The following MAML3 variants were observed in gnomAD, a reference collection of about 807,000 sequenced individuals.
MAML3 encodes mastermind like transcriptional coactivator 3, also known as mastermind-like protein 3.
Under a neutral mutation model 101.9 loss-of-function variants are expected in MAML3, and 27 were observed. The ratio of observed to expected loss-of-function variants is 0.27; its 90% CI spans 0.20 to 0.37. The LOEUF is 0.37. MAML3 is among the 10% of genes least tolerant of loss of function. The pLI, the probability that MAML3 is intolerant of heterozygous loss-of-function variation, is 1.00. For missense variants in MAML3, 1,316 were observed against 1,444.9 expected (o/e 0.91, Z 1.45); for synonymous variants, 501 against 555.9 (o/e 0.90, Z 1.39).
chr4:140,039,311 G>A (rs1415096875), intron 1 of MAML3, among the ~76,000 whole-genome samples: 1 of 152,052 alleles, frequency 6.6e-6, no homozygotes, highest in African/African-American at 2.4e-5. Context: ...GTCCCAACCT[G>A]TCTGCTGGAC....
At chr4:140,004,858 C>G (rs1279463504) in intron 1 of MAML3, among the ~76,000 whole-genome samples, 1 of 151,532 alleles carries the variant, frequency 6.6e-6, no homozygotes, top group Non-Finnish European at 1.5e-5. Flanking sequence ...TTTTTTTTAA[C>G]ATAAGAAATA....
chr4:140,113,749 C>T (rs1728475856), intron 1 of MAML3, among the ~76,000 whole-genome samples: 1 of 152,140 alleles, frequency 6.6e-6, no homozygotes, highest in African/African-American at 2.4e-5. Flanking sequence ...GTTTGTCTAC[C>T]CAAGTGAAGT....
At chr4:140,039,512 C>T (rs888925054) in intron 1 of MAML3, among the ~76,000 whole-genome samples, 3 of 152,194 alleles carry the variant, frequency 2.0e-5, no homozygotes, top group Non-Finnish European at 4.4e-5. Flanking sequence ...GGCCCCTAAC[C>T]TTGAAGGTTA....
intron 2 of MAML3, among the ~76,000 whole-genome samples, chr4:139,760,738 C>T (rs545689050): frequency 2.0e-4 from 30 of 152,276 alleles, no homozygotes; most frequent in Middle Eastern, 6.8e-3. Context: ...GAATATTGTT[C>T]AGCTCAGGAC....
intron 2 of MAML3, among the ~76,000 whole-genome samples, chr4:139,760,690 C>A (rs1729740342): frequency 6.6e-6 from 1 of 152,150 alleles, no homozygotes; most frequent in Non-Finnish European, 1.5e-5. Flanking sequence ...AGGAAAGAAA[C>A]TGTACTACTA....
intron 2 of MAML3, among the ~76,000 whole-genome samples, chr4:139,826,177 T>C (rs1485485366): frequency 6.6e-6 from 1 of 151,934 alleles, no homozygotes; most frequent in Non-Finnish European, 1.5e-5. Context: ...CAGCCTCCCC[T>C]GGCATCCATT....
intron 2 of MAML3, among the ~76,000 whole-genome samples, chr4:139,771,644 G>A: frequency 6.6e-6 from 1 of 152,160 alleles, no homozygotes; most frequent in East Asian, 1.9e-4. Context: ...TAATTTTCTG[G>A]TTGAGAAAAC....
chr4:139,997,809 T>C (rs917187616), intron 1 of MAML3, among the ~76,000 whole-genome samples: 4 of 152,128 alleles, frequency 2.6e-5, no homozygotes, highest in Non-Finnish European at 5.9e-5. Flanking sequence ...GCAGGATAGT[T>C]TGGTTAGGTA....
chr4:139,755,257 C>T (rs6854360), intron 2 of MAML3, among the ~76,000 whole-genome samples: 4,618 of 152,306 alleles, frequency 0.03, 200 homozygotes, highest in East Asian at 0.22. Context: ...TTAGAGAAAG[C>T]CTGCTCCTTA....
intron 2 of MAML3, among the ~76,000 whole-genome samples, chr4:139,828,762 G>A (rs760149634): frequency 2.1e-5 from 3 of 143,282 alleles, no homozygotes; most frequent in Non-Finnish European, 4.5e-5. Flanking sequence ...AATGAATTAC[G>A]GTCTTTACTC....
chr4:140,050,736 T>C (rs1040609211), intron 1 of MAML3, among the ~76,000 whole-genome samples: 4 of 152,174 alleles, frequency 2.6e-5, no homozygotes, highest in African/African-American at 4.8e-5. Flanking sequence ...TGTCAATCTA[T>C]AAAGTGACCA....
At position 139,793,326 on chromosome 4, in the gene MAML3, C is replaced by T. The variant is rs545428212; in HGVS notation, c.2080-62659G>A. On this transcript the variant is annotated intron_variant, in intron 2 of 4. Coordinates refer to ENST00000509479, the MANE Select transcript of MAML3 (RefSeq NM_018717.5). ...CAGGACATTTATTAATGCTAGTATG[C>T]ACTTTCTCCCTCTTAGTAATAACAT... Among the ~76,000 whole-genome samples, 17 of 152,264 alleles carry T rather than the reference C, an allele frequency of 1.1e-4. No individual in the cohort carries two copies. In the South Asian group the frequency reaches 2.1e-3, roughly 19 times the overall value.
At chr4:139,905,508 A>AAAAAAAAAAAAAAAAG (rs1732808697) in intron 1 of MAML3, among the ~76,000 whole-genome samples, 2 of 150,564 alleles carry the variant, frequency 1.3e-5, no homozygotes, top group Non-Finnish European at 3.0e-5. Flanking sequence ...AAAAAAAAAA[A>AAAAAAAAAAAAAAAAG]TCAGTTAAAT....
chr4:140,073,797 C>A (rs1727705552), intron 1 of MAML3, among the ~76,000 whole-genome samples: 1 of 152,092 alleles, frequency 6.6e-6, no homozygotes, highest in African/African-American at 2.4e-5. Flanking sequence ...TCACCAAAAT[C>A]AAACAGGAGG....
chr4:139,826,021 GC>G (rs1731055067), intron 2 of MAML3, among the ~76,000 whole-genome samples: 1 of 152,156 alleles, frequency 6.6e-6, no homozygotes, highest in Admixed American at 6.5e-5. Flanking sequence ...TTCCATGGGA[GC>G]CCTGTGGGAG....
Position 139,933,734 on chromosome 4 carries a change from C to T in MAML3, c.469-42767G>A, listed in dbSNP as rs148223547. On this transcript the variant is annotated intron_variant, in intron 1 of 4. Transcript: ENST00000509479. The stretch of plus-strand genomic sequence containing the variant: ...TATTAATCCAATTTGGCCAATCAAA[C>T]TTCAGGTGTAGTAAATGATTACAGT... Among the ~76,000 whole-genome samples the T allele has an allele frequency of 8.5e-4, 130 of 152,278 alleles. 1 individual carries two copies. Among genetic ancestry groups the T allele is most frequent in the African/African-American group, 3.1e-3 (128 of 41,556 alleles).
intron 2 of MAML3, among the ~76,000 whole-genome samples, chr4:139,865,326 A>G (rs1731875398): frequency 6.6e-6 from 1 of 152,102 alleles, no homozygotes; most frequent in African/African-American, 2.4e-5. Context: ...AGGGTCCAGT[A>G]TCCATCATGA....
chr4:140,022,319 CA>C (rs1329489817), intron 1 of MAML3, among the ~76,000 whole-genome samples: 1 of 152,096 alleles, frequency 6.6e-6, no homozygotes, highest in Non-Finnish European at 1.5e-5. Flanking sequence ...GAGTTACCCC[CA>C]AAAAACTATT....
chr4:139,763,859 G>T lies in MAML3; in HGVS notation c.2080-33192C>A, dbSNP rs1729802841. Reference sequence around the variant, plus strand: ...AGAGAGGCCGCTGAATTAAACACTTGAATATACCAAGTTCATGGCAGGCAG... The same window carrying T: ...AGAGAGGCCGCTGAATTAAACACTTTAATATACCAAGTTCATGGCAGGCAG... On this transcript the variant is annotated intron_variant, in intron 2 of 4. Coordinates refer to ENST00000509479, the MANE Select transcript of MAML3 (RefSeq NM_018717.5). 2.0e-5 allele frequency among the ~76,000 whole-genome samples: 3 copies of T among 152,272 alleles called. No homozygotes were observed. The South Asian group carries it at 6.2e-4, about 32-fold the overall frequency.
Sources: allele counts gnomAD v4.1 joint callset (sites outside exome capture counted in the v4.1 genomes callset), GRCh38; gene constraint gnomAD v4.1.1; transcripts MANE v1.5; gene names NCBI Gene and HGNC (gene_info 2026-07-23, HGNC 2026-07-21).